Variants in BTBD9 observed in about 807,000 individuals in gnomAD.
BTBD9 encodes the protein BTB domain containing 9, also known as BTB/POZ domain-containing protein 9.
A neutral mutation model predicts 64.3 loss-of-function variants in BTBD9; 49 were observed. The ratio of observed to expected loss-of-function variants is 0.76; its 90% CI spans 0.61 to 0.97. The LOEUF (loss-of-function observed/expected upper bound fraction) is 0.97. Among genes scored for constraint, BTBD9 ranks in the 50% least tolerant of loss-of-function variants. The pLI, the probability that BTBD9 is intolerant of heterozygous loss-of-function variation, is 0.00. For missense variants in BTBD9, 598 were observed against 762.1 expected (o/e 0.78, Z 2.53); for synonymous variants, 260 against 274.7 (o/e 0.95, Z 0.53).
At chr6:38,210,041 G>A (rs942809839) in intron 9 of BTBD9, among the ~76,000 whole-genome samples, 5 of 152,134 alleles carry the variant, frequency 3.3e-5, no homozygotes, top group Non-Finnish European at 5.9e-5. Context: ...TCCCAGGGGC[G>A]TCCATGGCGG....
chr6:38,473,441 C>A (rs1042545241), intron 6 of BTBD9, among the ~76,000 whole-genome samples: 1 of 152,172 alleles, frequency 6.6e-6, no homozygotes, highest in South Asian at 2.1e-4. Context: ...GGATTCATTT[C>A]TTTCCCAATC....
chr6:38,278,037 G>A (rs1216875411), intron 8 of BTBD9, among the ~76,000 whole-genome samples: 1 of 152,134 alleles, frequency 6.6e-6, no homozygotes, highest in Non-Finnish European at 1.5e-5. Context: ...GGCTGGGTAG[G>A]GCTTCAAATA....
intron 1 of BTBD9, among the ~76,000 whole-genome samples, chr6:38,634,971 G>A (rs1417323143): frequency 6.6e-6 from 1 of 152,046 alleles, no homozygotes; most frequent in Non-Finnish European, 1.5e-5. Context: ...CACTTTGTTA[G>A]TGCTGGTTCC....
intron 6 of BTBD9, among the ~76,000 whole-genome samples, chr6:38,469,483 C>T (rs1654794532): frequency 6.6e-6 from 1 of 152,082 alleles, no homozygotes; most frequent in South Asian, 2.1e-4. Flanking sequence ...CCACGCCTGG[C>T]TAATTTTTTT....
chr6:38,356,575 G>A (rs575753568), intron 6 of BTBD9, among the ~76,000 whole-genome samples: 58 of 152,150 alleles, frequency 3.8e-4, no homozygotes, highest in African/African-American at 1.4e-3. Flanking sequence ...TCTCTTTAAA[G>A]ATAGCAACAT....
At chr6:38,381,438 A>G (rs187177590) in intron 6 of BTBD9, among the ~76,000 whole-genome samples, 4 of 152,338 alleles carry the variant, frequency 2.6e-5, no homozygotes, top group Admixed American at 6.5e-5. Flanking sequence ...TATGCAGCTA[A>G]TATAGTTTCA....
chr6:38,302,461 T>G (rs1164770496), intron 7 of BTBD9, among the ~76,000 whole-genome samples: 1 of 142,466 alleles, frequency 7.0e-6, no homozygotes, highest in Non-Finnish European at 1.5e-5. Context: ...TTTTAATGGC[T>G]GAATAATATT....
chr6:38,200,672 G>T (rs1328879004), intron 9 of BTBD9, among the ~76,000 whole-genome samples: 1 of 152,060 alleles, frequency 6.6e-6, no homozygotes, highest in Non-Finnish European at 1.5e-5. Flanking sequence ...AGAAGAAATG[G>T]ATAAACTCCT....
intron 6 of BTBD9, among the ~76,000 whole-genome samples, chr6:38,476,813 G>A (rs1258086203): frequency 2.0e-5 from 3 of 152,166 alleles, no homozygotes; most frequent in East Asian, 3.8e-4. Context: ...TAGACACATG[G>A]GAAAAGAGCA....
intron 6 of BTBD9, among the ~76,000 whole-genome samples, chr6:38,400,437 T>C (rs1766878060): frequency 6.6e-6 from 1 of 152,192 alleles, no homozygotes; most frequent in Non-Finnish European, 1.5e-5. Context: ...CAATGTCCTC[T>C]AAGGGCCAAA....
intron 6 of BTBD9, among the ~76,000 whole-genome samples, chr6:38,444,032 G>T (rs763259410): frequency 6.6e-5 from 10 of 152,152 alleles, no homozygotes; most frequent in Non-Finnish European, 1.3e-4. Context: ...TTCTTAACAG[G>T]CTTCTCCCAG....
At chr6:38,423,823 C>T (rs959488052) in intron 6 of BTBD9, among the ~76,000 whole-genome samples, 2 of 149,316 alleles carry the variant, frequency 1.3e-5, no homozygotes, top group Admixed American at 1.3e-4. Context: ...AGAATGTCTT[C>T]AGAATTAAAA....
intron 7 of BTBD9, among the ~76,000 whole-genome samples, chr6:38,322,924 ATCC>A (rs753973644): frequency 1.3e-4 from 20 of 152,176 alleles, no homozygotes; most frequent in Non-Finnish European, 2.5e-4. Context: ...CACGTACTAT[ATCC>A]TCAAGACAAT....
At chr6:38,567,831 A>G (rs1775589294) in intron 6 of BTBD9, among the ~76,000 whole-genome samples, 3 of 152,160 alleles carry the variant, frequency 2.0e-5, no homozygotes, top group African/African-American at 4.8e-5. Flanking sequence ...TTCTTTAAAC[A>G]TATTTCCTGT....
At chr6:38,585,725 T>C (rs959542562) in intron 4 of BTBD9, among the ~76,000 whole-genome samples, 2 of 152,178 alleles carry the variant, frequency 1.3e-5, no homozygotes, top group South Asian at 4.1e-4. Context: ...CAGCCACTCA[T>C]TTATCACTTA....
In BTBD9 at chr6:38,547,399, C is replaced by T. The variant is rs1774601808; in HGVS notation, c.1154+30201G>A. ...GAGCCATGATCATGATGCTGCACTC[C>T]AATCTGGGTGACAGAGCAAGACCCT... On this transcript the variant is annotated intron_variant, in intron 6 of 10. Transcript: ENST00000481247. Among the ~76,000 whole-genome samples the T allele has an allele frequency of 3.3e-5, 5 of 152,172 alleles. No homozygotes were observed. The South Asian group carries it at 1.0e-3, about 32-fold the overall frequency.
At chr6:38,518,995 T>C (rs1024336243) in intron 6 of BTBD9, among the ~76,000 whole-genome samples, 2 of 152,202 alleles carry the variant, frequency 1.3e-5, no homozygotes, top group African/African-American at 4.8e-5. Context: ...GTGAAGGACA[T>C]CAGAGGCAGT....
At chr6:38,307,758 G>C (rs1216778485) in intron 7 of BTBD9, among the ~76,000 whole-genome samples, 1 of 152,198 alleles carries the variant, frequency 6.6e-6, no homozygotes, top group Non-Finnish European at 1.5e-5. Context: ...AAATCATGCT[G>C]AGTCCATTTT....
intron 6 of BTBD9, among the ~76,000 whole-genome samples, chr6:38,358,896 C>T (rs993290739): frequency 4.2e-4 from 64 of 151,910 alleles, no homozygotes; most frequent in African/African-American, 1.2e-3. Flanking sequence ...CTCAGCCTCC[C>T]GAGTAGCTGG....
Sources: gnomAD v4.1 joint callset for allele counts (sites outside exome capture counted in the v4.1 genomes callset) on GRCh38, gnomAD v4.1.1 for gene constraint, MANE v1.5 for transcripts, NCBI Gene and HGNC (gene_info 2026-07-23, HGNC 2026-07-21) for gene names.